Variants in TRHDE observed in about 807,000 individuals in gnomAD.
The protein encoded by TRHDE is thyrotropin releasing hormone degrading enzyme, also known as thyrotropin-releasing hormone-degrading ectoenzyme.
In TRHDE, 72 loss-of-function variants were observed where a neutral mutation model predicts 125.7. The ratio of observed to expected loss-of-function variants is 0.57; its 90% CI spans 0.47 to 0.70. The LOEUF (loss-of-function observed/expected upper bound fraction) is 0.70, where lower values mean the gene tolerates loss of function less well. Ranked by LOEUF, TRHDE falls within the 30% of genes least tolerant of loss-of-function variation. The pLI, the probability that TRHDE is intolerant of heterozygous loss-of-function variation, is 0.00. For missense variants in TRHDE, 1,110 were observed against 1,327.1 expected, an observed-to-expected ratio of 0.84 and a Z score of 2.54; for synonymous variants, 509 against 509.1, an observed-to-expected ratio of 1.00 and a Z score of 0.00.
intron 2 of TRHDE, among the ~76,000 whole-genome samples, chr12:72,325,583 T>C (rs1025387317): frequency 4.6e-5 from 7 of 152,162 alleles, no homozygotes; most frequent in Non-Finnish European, 7.4e-5. Context: ...GTATTTTCCT[T>C]TTGTCAGAAG....
At chr12:72,416,518 G>T (rs1175198804) in intron 3 of TRHDE, among the ~76,000 whole-genome samples, 1 of 151,872 alleles carries the variant, frequency 6.6e-6, no homozygotes, top group Non-Finnish European at 1.5e-5. Context: ...CATAGTTTTA[G>T]GTCTAAGTCT....
intron 2 of TRHDE, among the ~76,000 whole-genome samples, chr12:72,124,936 T>C (rs1458844741): frequency 6.6e-6 from 1 of 152,206 alleles, no homozygotes; most frequent in African/African-American, 2.4e-5. Flanking sequence ...GTAAAGTTAC[T>C]GTAACAAAAG....
At chr12:72,635,638 C>A (rs1358528202) in intron 15 of TRHDE, among the ~76,000 whole-genome samples, 1 of 151,434 alleles carries the variant, frequency 6.6e-6, no homozygotes, top group Admixed American at 6.6e-5. Flanking sequence ...GGTTTTAGGT[C>A]TAACGTTTAA....
chr12:72,592,884 T>C (rs1372018998), intron 12 of TRHDE, among the ~76,000 whole-genome samples: 1 of 152,100 alleles, frequency 6.6e-6, no homozygotes, highest in Non-Finnish European at 1.5e-5. Context: ...CTAATTTTGT[T>C]GTATTTTTAG....
chr12:72,122,552 G>C (rs1353379558), intron 2 of TRHDE, among the ~76,000 whole-genome samples: 1 of 152,080 alleles, frequency 6.6e-6, no homozygotes, highest in Non-Finnish European at 1.5e-5. Flanking sequence ...GATTTCTAGA[G>C]AGTTTTTTTT....
In TRHDE at chr12:72,306,478, C is replaced by T. The variant is rs192960821; in HGVS notation, c.1188+19524C>T. 3.2e-4 allele frequency among the ~76,000 whole-genome samples: 48 copies of T among 152,100 alleles called. 1 individual carries two copies. Among genetic ancestry groups the T allele is most frequent in the Admixed American group, 3.0e-3 (46 of 15,272 alleles). ...AAGACAGACTTTTGCCCTAATTTCT[C>T]GTTCATTTTAAATTTATATTAAACA... On this transcript the variant is annotated intron_variant, in intron 2 of 18. Transcript: ENST00000261180.
At chr12:72,274,286 T>C (rs1879395139) in intron 1 of TRHDE, among the ~76,000 whole-genome samples, 1 of 152,218 alleles carries the variant, frequency 6.6e-6, no homozygotes, top group Non-Finnish European at 1.5e-5. Flanking sequence ...CCTCTGGAGA[T>C]GATTCCAGTG....
intron 18 of TRHDE, among the ~76,000 whole-genome samples, chr12:72,657,759 G>A (rs1874763307): frequency 6.6e-6 from 1 of 152,144 alleles, no homozygotes; most frequent in South Asian, 2.1e-4. Flanking sequence ...GAGAAATGGG[G>A]AGAGGGTTAA....
At chr12:72,591,804 C>T (rs1213540045) in intron 12 of TRHDE, among the ~76,000 whole-genome samples, 1 of 151,674 alleles carries the variant, frequency 6.6e-6, no homozygotes, top group East Asian at 1.9e-4. Flanking sequence ...CCACTTTAAA[C>T]ATTTTTTTTC....
intron 2 of TRHDE, among the ~76,000 whole-genome samples, chr12:72,348,395 C>T (rs1437483026): frequency 6.6e-6 from 1 of 151,982 alleles, no homozygotes; most frequent in South Asian, 2.1e-4. Context: ...CAGTTAATCG[C>T]TTTGATCCCT....
chr12:72,130,670 G>A (rs909405511), intron 2 of TRHDE, among the ~76,000 whole-genome samples: 24 of 152,268 alleles, frequency 1.6e-4, no homozygotes, highest in Non-Finnish European at 2.6e-4. Context: ...CACAATGGAT[G>A]AAATACTGGG....
chr12:72,389,553 G>A lies in TRHDE; in HGVS notation c.1315+11432G>A, dbSNP rs535591653. ...CGCTGGTGGGGTCAGGCTCTGGTGA[G>A]GGCTCTTTTCCTGGCTTGCAGATGG... On this transcript the variant is annotated intron_variant, in intron 3 of 18. Transcript: ENST00000261180. 9.9e-5 allele frequency among the ~76,000 whole-genome samples: 15 copies of A among 152,268 alleles called. 1 individual carries two copies. Among genetic ancestry groups the A allele is most frequent in the Admixed American group, 9.8e-4 (15 of 15,302 alleles).
chr12:72,369,546 AT>A (rs1375894729), intron 2 of TRHDE, among the ~76,000 whole-genome samples: 2 of 152,182 alleles, frequency 1.3e-5, no homozygotes, highest in African/African-American at 2.4e-5. Context: ...GATGAGAAGA[AT>A]TTTGGCATGT....
intron 1 of TRHDE, among the ~76,000 whole-genome samples, chr12:72,286,259 A>G (rs1288615853): frequency 1.3e-5 from 2 of 152,238 alleles, no homozygotes; most frequent in African/African-American, 4.8e-5. Flanking sequence ...GTGATGGTCT[A>G]TGTACTACAT....
At chr12:72,272,006 G>A (rs1879234970), upstream of TRHDE, 1 of 456,806 alleles carries the variant, frequency 2.2e-6, no homozygotes, top group Admixed American at 2.3e-5. The surrounding 1 kb of genome is among the most constrained non-coding windows in gnomAD (Gnocchi z 6.7). Context: ...TAGCTTCGCG[G>A]CCCTGGGACT....
chr12:72,512,829 A>G (rs1878666308), intron 6 of TRHDE, among the ~76,000 whole-genome samples: 1 of 151,584 alleles, frequency 6.6e-6, no homozygotes, highest in African/African-American at 2.4e-5. Context: ...GAGACTAGGA[A>G]TAAAAATTCC....
chr12:72,411,075 C>CACCT, intron 3 of TRHDE, among the ~76,000 whole-genome samples: 1 of 151,904 alleles, frequency 6.6e-6, no homozygotes, highest in South Asian at 2.1e-4. Flanking sequence ...TGGTGGCAGG[C>CACCT]ACCTGTAGTC....
intron 2 of TRHDE, among the ~76,000 whole-genome samples, chr12:72,229,234 G>T (rs35474350): frequency 6.6e-6 from 1 of 152,124 alleles, no homozygotes; most frequent in African/African-American, 2.4e-5. Context: ...AGTTTCATAC[G>T]GGTGGGGAGG....
intron 7 of TRHDE, among the ~76,000 whole-genome samples, chr12:72,545,260 A>G (rs910377634): frequency 6.6e-6 from 1 of 151,502 alleles, no homozygotes; most frequent in African/African-American, 2.4e-5. Flanking sequence ...TCCATTTCCC[A>G]AAATGATAGC....
Sources: gnomAD v4.1 joint callset for allele counts (sites outside exome capture counted in the v4.1 genomes callset) on GRCh38, gnomAD v4.1.1 for gene constraint, Gnocchi (gnomAD v3.1) non-coding constraint, MANE v1.5 for transcripts, NCBI Gene and HGNC (gene_info 2026-07-23, HGNC 2026-07-21) for gene names.